The following ZDHHC14 variants were observed in gnomAD, a reference collection of about 807,000 sequenced individuals.
ZDHHC14 encodes palmitoyltransferase ZDHHC14.
Under a neutral mutation model 47.7 loss-of-function variants are expected in ZDHHC14, and 16 were observed. The observed-to-expected ratio is 0.34, with a 90% confidence interval of 0.23 to 0.51. The LOEUF is 0.51. Ranked by LOEUF, ZDHHC14 falls within the 20% of genes least tolerant of loss-of-function variation. The pLI is 0.97. For missense variants in ZDHHC14, 515 were observed against 662.5 expected, an observed-to-expected ratio of 0.78 and a Z score of 2.44; for synonymous variants, 293 against 278.9, an observed-to-expected ratio of 1.05 and a Z score of -0.50.
At chr6:157,669,711 A>G (rs9295140) in intron 8 of ZDHHC14, among the ~76,000 whole-genome samples, 33,330 of 152,164 alleles carry the variant, frequency 0.22, 4,045 homozygotes, top group East Asian at 0.53. Flanking sequence ...GACAGAAAGC[A>G]TTAGGATGAG....
At chr6:157,441,880 G>A (rs1295829273) in intron 1 of ZDHHC14, among the ~76,000 whole-genome samples, 1 of 152,140 alleles carries the variant, frequency 6.6e-6, no homozygotes, top group Non-Finnish European at 1.5e-5. Context: ...GTCCATGTGT[G>A]TATGTGTGTG....
At chr6:157,650,350 T>C (rs1449486366) in intron 7 of ZDHHC14, among the ~76,000 whole-genome samples, 1 of 151,500 alleles carries the variant, frequency 6.6e-6, no homozygotes, top group African/African-American at 2.4e-5. Flanking sequence ...ATGGGGTTAA[T>C]GTCAGGAGTG....
At chr6:157,646,069 G>C (rs1467707383) in intron 6 of ZDHHC14, among the ~76,000 whole-genome samples, 1 of 152,148 alleles carries the variant, frequency 6.6e-6, no homozygotes, top group East Asian at 1.9e-4. Flanking sequence ...TAGTTACTAA[G>C]ATTGGCCAAG....
chr6:157,569,180 C>G (rs1783012230), intron 2 of ZDHHC14, among the ~76,000 whole-genome samples: 1 of 151,272 alleles, frequency 6.6e-6, no homozygotes, highest in African/African-American at 2.4e-5. Flanking sequence ...AATTTAAAAA[C>G]CCGTATGTCC....
At chr6:157,406,780 G>A (rs556523300) in intron 1 of ZDHHC14, among the ~76,000 whole-genome samples, 44 of 152,324 alleles carry the variant, frequency 2.9e-4, no homozygotes, top group African/African-American at 7.7e-4. Flanking sequence ...AACAAACCGC[G>A]CAGCTGAACA....
At chr6:157,645,644 G>A (rs1777496683) in intron 5 of ZDHHC14, 93 bp from the exon 6 acceptor site, 3 of 925,288 alleles carry the variant, frequency 3.2e-6, no homozygotes, top group Admixed American at 4.3e-5. Context: ...CTAGAGAGAG[G>A]CCTGTGCCCG....
At chr6:157,382,364 T>C (rs2114726025) in intron 1 of ZDHHC14, 98 bp downstream of exon 1, 3 of 1,401,236 alleles carry the variant, frequency 2.1e-6, no homozygotes, top group Non-Finnish European at 2.9e-6. Flanking sequence ...AAGTCTTATC[T>C]ACTGTAAATT....
intron 1 of ZDHHC14, among the ~76,000 whole-genome samples, chr6:157,541,661 G>A (rs1407413114): frequency 6.6e-6 from 1 of 152,182 alleles, no homozygotes; most frequent in African/African-American, 2.4e-5. Flanking sequence ...ACTGACTGTG[G>A]TCACTGCAGA....
intron 1 of ZDHHC14, among the ~76,000 whole-genome samples, chr6:157,399,765 T>C (rs2114744685): frequency 6.6e-6 from 1 of 152,342 alleles, no homozygotes; most frequent in Middle Eastern, 3.4e-3. Flanking sequence ...CCATGGCCCC[T>C]TTCCATAGAC....
intron 1 of ZDHHC14, among the ~76,000 whole-genome samples, chr6:157,460,169 C>T (rs1779041019): frequency 6.6e-6 from 1 of 151,318 alleles, no homozygotes; most frequent in African/African-American, 2.4e-5. Context: ...CGCCACTGCA[C>T]TCCAGCCTGG....
intron 1 of ZDHHC14, among the ~76,000 whole-genome samples, chr6:157,391,803 G>A (rs1353505275): frequency 6.6e-6 from 1 of 152,078 alleles, no homozygotes; most frequent in Admixed American, 6.6e-5. Flanking sequence ...AGCTAATCTG[G>A]CTTGTTCTCA....
chr6:157,425,836 G>C (rs533903890), intron 1 of ZDHHC14, among the ~76,000 whole-genome samples: 8 of 152,154 alleles, frequency 5.3e-5, no homozygotes, highest in Admixed American at 6.5e-5. Flanking sequence ...CTTCTAGAAC[G>C]TGCTGTGCCC....
intron 1 of ZDHHC14, among the ~76,000 whole-genome samples, chr6:157,518,058 T>TGGC (rs1252308758): frequency 6.6e-6 from 1 of 151,958 alleles, no homozygotes; most frequent in East Asian, 1.9e-4. Context: ...GCCACCCTGT[T>TGGC]GGCATCTTAG....
chr6:157,534,830 A>T (rs1781483825), intron 1 of ZDHHC14, among the ~76,000 whole-genome samples: 1 of 152,084 alleles, frequency 6.6e-6, no homozygotes, highest in Non-Finnish European at 1.5e-5. Flanking sequence ...AGCTCAAGCA[A>T]TCTGCCCACC....
At chr6:157,554,531 G>A (rs1782377000) in intron 2 of ZDHHC14, among the ~76,000 whole-genome samples, 1 of 152,174 alleles carries the variant, frequency 6.6e-6, no homozygotes, top group African/African-American at 2.4e-5. Context: ...TTGTCACACA[G>A]TACATTTCAG....
At chr6:157,580,004 T>C (rs1448940494) in intron 2 of ZDHHC14, among the ~76,000 whole-genome samples, 1 of 152,226 alleles carries the variant, frequency 6.6e-6, no homozygotes, top group Non-Finnish European at 1.5e-5. Context: ...GCCCATTCAG[T>C]ATGATGTCAG....
intron 2 of ZDHHC14, among the ~76,000 whole-genome samples, chr6:157,563,097 C>A (rs1006280374): frequency 6.6e-6 from 1 of 152,152 alleles, no homozygotes; most frequent in Admixed American, 6.5e-5. Context: ...CCCAGGCACC[C>A]GGAGCTGGGC....
Position 157,387,493 on chromosome 6 carries a change from C to T in ZDHHC14, c.245+5227C>T, listed in dbSNP as rs910788566. Among the ~76,000 whole-genome samples, 5 of 152,146 alleles carry T rather than the reference C, an allele frequency of 3.3e-5. No homozygotes were observed. The East Asian group carries it at 7.7e-4, about 23-fold the overall frequency. On this transcript the variant is annotated intron_variant, in intron 1 of 8. Coordinates refer to ENST00000359775, the MANE Select transcript of ZDHHC14 (RefSeq NM_024630.3). ...AGAAAATATCTGCATAGGGTCTCAT[C>T]GGTTTTTTTCTAAGTGCTGTGCCTC...
chr6:157,405,636 T>A (rs1240386062), intron 1 of ZDHHC14, among the ~76,000 whole-genome samples: 2 of 152,156 alleles, frequency 1.3e-5, no homozygotes, highest in African/African-American at 4.8e-5. Flanking sequence ...ATGGTAATGA[T>A]GATGTGGAAA....
Sources: gnomAD v4.1 joint callset for allele counts (sites outside exome capture counted in the v4.1 genomes callset) on GRCh38, gnomAD v4.1.1 for gene constraint, MANE v1.5 for transcripts, NCBI Gene and HGNC (gene_info 2026-07-23, HGNC 2026-07-21) for gene names.